The following FAM171A1 variants were observed in gnomAD, a reference collection of about 807,000 sequenced individuals.
The protein encoded by FAM171A1 is family with sequence similarity 171 member A1.
In FAM171A1, 23 loss-of-function variants were observed where a neutral mutation model predicts 74.9. The observed-to-expected ratio is 0.31, with a 90% CI of 0.22 to 0.44. The LOEUF is 0.44. FAM171A1 is among the 20% of genes least tolerant of loss of function. FAM171A1 has a pLI of 1.00. For synonymous variants in FAM171A1, 527 were observed against 505.7 expected, an observed-to-expected ratio of 1.04 and a Z score of -0.57; for missense variants, 1,162 against 1,159.2, an observed-to-expected ratio of 1.00 and a Z score of -0.03.
In FAM171A1 at chr10:15,215,977, C is replaced by A; in HGVS notation, c.986+19G>T. On this transcript the variant is annotated intron_variant, in intron 7 of 7. Transcript: ENST00000378116. Reference sequence around the variant, plus strand: ...AACTGTGAATTAAAAAAGATATTGCCAAAATGGTAACACTTTACCTGCAAT... The same window carrying A: ...AACTGTGAATTAAAAAAGATATTGCAAAAATGGTAACACTTTACCTGCAAT... 1 of 1,518,094 alleles carries A rather than the reference C, an allele frequency of 6.6e-7. No individual in the cohort carries two copies. Among genetic ancestry groups the A allele is most frequent in the South Asian group, 1.2e-5 (1 of 81,554 alleles). 94.0% of individuals were successfully genotyped at this position (1,518,094 alleles called of 1,614,324 possible).
Position 15,214,097 on chromosome 10 carries a change from T to C in FAM171A1, c.1491A>G (p.Leu497=). 2 of 1,614,154 alleles carry C rather than the reference T, an allele frequency of 1.2e-6. No individual in the cohort carries two copies. Among genetic ancestry groups the C allele is most frequent in the Non-Finnish European group, 1.7e-6 (2 of 1,180,026 alleles). The stretch of plus-strand genomic sequence containing the variant: ...GACCTTCTCTGTCCTGCTTTTCAAA[T>C]AAAGGCTGTGAGAGCACGGTGTTGT... ...GSYNTVLSQP[L]FEKQDREGPA... The change falls in exon 8 of 8, where the codon TTA becomes TTG. Residue 497 remains leucine, a synonymous_variant. Transcript: ENST00000378116.
At chr10:15,308,526 C>A (rs11819566) in intron 1 of FAM171A1, among the ~76,000 whole-genome samples, 1 of 151,828 alleles carries the variant, frequency 6.6e-6, no homozygotes, top group East Asian at 1.9e-4. Flanking sequence ...TGCAGTGGCA[C>A]GATTTTGGCT....
chr10:15,240,481 T>G (rs992080649), intron 5 of FAM171A1, among the ~76,000 whole-genome samples: 1 of 152,216 alleles, frequency 6.6e-6, no homozygotes, highest in Non-Finnish European at 1.5e-5. Flanking sequence ...GTTAATCTAG[T>G]TGATCACCTT....
At chr10:15,315,327 G>A (rs925216075) in intron 1 of FAM171A1, among the ~76,000 whole-genome samples, 2 of 152,148 alleles carry the variant, frequency 1.3e-5, no homozygotes, top group African/African-American at 4.8e-5. Context: ...TCTGCAAAAC[G>A]GGTCAAGTAT....
At chr10:15,233,547 T>TGTGC (rs761477433) in intron 5 of FAM171A1, among the ~76,000 whole-genome samples, 14 of 151,472 alleles carry the variant, frequency 9.2e-5, no homozygotes, top group Non-Finnish European at 1.9e-4. Flanking sequence ...TGTGTGTGTG[T>TGTGC]GTGTGTGTGC....
At chr10:15,237,181 T>C (rs1431736577) in intron 5 of FAM171A1, among the ~76,000 whole-genome samples, 1 of 152,108 alleles carries the variant, frequency 6.6e-6, no homozygotes, top group Non-Finnish European at 1.5e-5. Flanking sequence ...TAACTAAGAA[T>C]GAAGTGTAAA....
intron 1 of FAM171A1, among the ~76,000 whole-genome samples, chr10:15,329,189 T>C (rs911393809): frequency 6.6e-6 from 1 of 152,164 alleles, no homozygotes; most frequent in African/African-American, 2.4e-5. Context: ...TGTGTATGTT[T>C]AAAGGAGGTA....
chr10:15,322,517 G>A (rs145466431), intron 1 of FAM171A1, among the ~76,000 whole-genome samples: 145 of 152,286 alleles, frequency 9.5e-4, no homozygotes, highest in African/African-American at 3.4e-3. Flanking sequence ...TATCTCTAAG[G>A]TACCCCCAAA....
chr10:15,366,151 A>T (rs1768774002), intron 1 of FAM171A1, among the ~76,000 whole-genome samples: 1 of 152,086 alleles, frequency 6.6e-6, no homozygotes, highest in African/African-American at 2.4e-5. Context: ...ATGGAGTTTC[A>T]TTCTGTTGCC....
At position 15,371,138 on chromosome 10, in the gene FAM171A1, C is replaced by G. The variant is rs956712957; in HGVS notation, c.-86G>C. 590 of 486,284 alleles carry G rather than the reference C, an allele frequency of 1.2e-3. 3 individuals are homozygous for G. Among genetic ancestry groups the G allele is most frequent in the East Asian group, 8.0e-3 (52 of 6,486 alleles). 30.1% of individuals were successfully genotyped at this position (486,284 alleles called of 1,614,324 possible). A position where few individuals can be genotyped will look rare whatever the true frequency, so the allele number is the denominator to read the frequency against. On this transcript the variant is annotated 5_prime_UTR_variant, in exon 1 of 8. Transcript: ENST00000378116. ...CACGGGCGGCCGGGCGCCGCGCCCC[C>G]CTCCATGTCGCTGGCTCCGCGCGCC...
intron 5 of FAM171A1, among the ~76,000 whole-genome samples, chr10:15,238,527 C>A (rs553146053): frequency 3.3e-5 from 5 of 152,028 alleles, no homozygotes; most frequent in Admixed American, 6.6e-5. Flanking sequence ...CCTTCCCCCC[C>A]ACCCCCAATT....
At chr10:15,237,670 A>T (rs1834310287) in intron 5 of FAM171A1, 1 of 152,180 alleles carries the variant, frequency 6.6e-6, no homozygotes, top group South Asian at 2.1e-4. Flanking sequence ...CTTTGGTGAG[A>T]CAAAGTTTTC....
chr10:15,351,267 G>A (rs1481699849), intron 1 of FAM171A1, among the ~76,000 whole-genome samples: 3 of 152,192 alleles, frequency 2.0e-5, no homozygotes, highest in Non-Finnish European at 4.4e-5. Context: ...CCGGACTGAA[G>A]AGTCCCTGCG....
At chr10:15,310,476 C>T (rs1250347807) in intron 1 of FAM171A1, among the ~76,000 whole-genome samples, 1 of 152,118 alleles carries the variant, frequency 6.6e-6, no homozygotes, top group Non-Finnish European at 1.5e-5. Context: ...ACCAACCTGG[C>T]CCCTCTCCCA....
intron 5 of FAM171A1, among the ~76,000 whole-genome samples, chr10:15,227,400 T>C (rs757022042): frequency 2.0e-5 from 3 of 152,176 alleles, no homozygotes; most frequent in Non-Finnish European, 4.4e-5. Context: ...TTTTGTTCTT[T>C]TGAGACAGGG....
rs371933282 is a variant in FAM171A1, at chr10:15,214,453, C to T, written c.1135G>A (p.Val379Ile). ...GCCTCGGGGCGGCCGTGGCTGGTGA[C>T]GGACAGCGGGCCAGGGAATTCTGAC... ...RASEFPGPLS[V>I]TSHGRPEAPG... The change falls in exon 8 of 8, where the codon GTC becomes ATC. Residue 379 changes from valine (V) to isoleucine (I), a missense_variant. By Grantham distance (29) the Val-to-Ile change is conservative. Transcript: ENST00000378116. The T allele has an allele frequency of 8.1e-6, 13 of 1,614,010 alleles. No individual in the cohort carries two copies. Among genetic ancestry groups the T allele is most frequent in the South Asian group, 1.1e-5 (1 of 91,078 alleles).
chr10:15,227,794 T>A (rs1217241496), intron 5 of FAM171A1, among the ~76,000 whole-genome samples: 2 of 152,232 alleles, frequency 1.3e-5, no homozygotes, highest in African/African-American at 4.8e-5. Flanking sequence ...GAGTAATGCA[T>A]CCAGCTGGCA....
At chr10:15,307,058 G>A (rs1835304296) in intron 1 of FAM171A1, among the ~76,000 whole-genome samples, 1 of 152,152 alleles carries the variant, frequency 6.6e-6, no homozygotes, top group Non-Finnish European at 1.5e-5. Context: ...CTGTGGAAAG[G>A]CTCTCTGTTG....
rs148801122 is a variant in FAM171A1 at position 15,270,444 on chromosome 10, T to A, written c.418+5411A>T. Among the ~76,000 whole-genome samples the A allele has an allele frequency of 3.2e-3, 490 of 152,324 alleles. 2 individuals carry two copies. The highest frequency in any genetic ancestry group is 0.011 in the African/African-American group (471 of 41,570). ...CCTGCCTGCCTCTGTAGACTCCACC[T>A]CTGGGGGCAGGGCATAGCTGAACGA... On this transcript the variant is annotated intron_variant, in intron 3 of 7. Coordinates refer to ENST00000378116, the MANE Select transcript of FAM171A1 (RefSeq NM_001010924.2).
Sources: gnomAD v4.1 joint callset for allele counts (sites outside exome capture counted in the v4.1 genomes callset) on GRCh38, gnomAD v4.1.1 for gene constraint, MANE v1.5 for transcripts, NCBI Gene and HGNC (gene_info 2026-07-23, HGNC 2026-07-21) for gene names.